Variants in POLH observed in about 807,000 individuals in gnomAD.
The protein encoded by POLH is DNA polymerase eta transcript.
In POLH, 53 loss-of-function variants were observed where a neutral mutation model predicts 73.6. The ratio of observed to expected loss-of-function variants is 0.72; its 90% CI spans 0.58 to 0.91. The LOEUF is 0.91. Among genes scored for constraint, POLH ranks in the 40% least tolerant of loss-of-function variants. The probability of loss-of-function intolerance (pLI) is 0.00; values close to 1 mark genes in which losing one functional copy is unlikely to be tolerated. For synonymous variants in POLH, 292 were observed against 308.5 expected (o/e 0.95, Z 0.56); for missense variants, 768 against 865.4 (o/e 0.89, Z 1.41).
At chr6:43,583,227 C>T in intron 3 of POLH, 86 bp downstream of exon 3, 2 of 1,265,612 alleles carry the variant, frequency 1.6e-6, no homozygotes, top group Non-Finnish European at 2.3e-6. Context: ...TGAATTTGTT[C>T]CATGTAAATA....
intron 4 of POLH, 122 bp from the exon 5 acceptor site, chr6:43,597,574 G>A (rs1766226459): frequency 2.2e-6 from 2 of 892,098 alleles, no homozygotes; most frequent in Admixed American, 2.2e-5. Context: ...TAAGCTGGCT[G>A]CCATTTTTTT....
intron 4 of POLH, among the ~76,000 whole-genome samples, chr6:43,590,572 T>C (rs759197042): frequency 6.6e-5 from 10 of 151,694 alleles, no homozygotes; most frequent in Admixed American, 6.6e-4. Context: ...TTTTTTTTAA[T>C]TGAATATTAT....
chr6:43,582,444 G>A lies in POLH; in HGVS notation c.125G>A (p.Trp42Ter). The part of the protein sequence containing the change: ...KPCAVVQYKS[W>*]KGGGIIAVSY... ...TGTGCAGTTGTACAGTACAAATCATGGAAGGGTGGTGGGTATGTATCATTG... is the reference window on the plus strand; with the variant it reads ...TGTGCAGTTGTACAGTACAAATCATAGAAGGGTGGTGGGTATGTATCATTG... Residue 42 changes from tryptophan to a stop codon, truncating the protein, a stop_gained, in exon 2 of 11, where the codon TGG becomes TAG. Transcript: ENST00000372236. LOFTEE classifies it high-confidence loss of function. 1 of 1,613,918 alleles carries A rather than the reference G, an allele frequency of 6.2e-7. No homozygotes were observed. The highest frequency in any genetic ancestry group is 8.5e-7 in the Non-Finnish European group (1 of 1,179,846).
chr6:43,581,974 A>G (rs1764330625), intron 1 of POLH, among the ~76,000 whole-genome samples: 1 of 152,188 alleles, frequency 6.6e-6, no homozygotes, highest in African/African-American at 2.4e-5. Context: ...GAAATTTGAA[A>G]TCTTCCAAAA....
chr6:43,614,264 A>C lies in POLH; in HGVS notation c.1849A>C (p.Thr617Pro), dbSNP rs760781282. The C allele has an allele frequency of 6.2e-7, 1 of 1,600,370 alleles. No homozygotes were observed. Among genetic ancestry groups the C allele is most frequent in the Admixed American group, 1.7e-5 (1 of 58,640 alleles). Residue 617 changes from threonine (T) to proline (P), a missense_variant, in exon 11 of 11, where the codon ACT becomes CCT. Coordinates refer to ENST00000372236, the MANE Select transcript of POLH (RefSeq NM_006502.3). ...AGCTTCCAAATCTGTGCTGGAGGTG[A>C]CTCAGAAAGCAACCCCAAATCCAAG... ...SSASKSVLEV[T>P]QKATPNPSLL...
Position 43,605,321 on chromosome 6 carries a change from T to A in POLH, c.1074+2T>A. On this transcript the variant is annotated splice_donor_variant, in intron 9 of 10. Transcript: ENST00000372236. LOFTEE classifies it high-confidence loss of function. ...AGACTGACTAAAGACCGAAATGATG[T>A]AAGATTTTCTTTCTTTATTCCTGGG... 1 of 1,545,838 alleles carries A rather than the reference T, an allele frequency of 6.5e-7. No homozygotes were observed. Among genetic ancestry groups the A allele is most frequent in the South Asian group, 1.1e-5 (1 of 89,116 alleles).
intron 1 of POLH, among the ~76,000 whole-genome samples, chr6:43,580,770 C>G (rs1285749081): frequency 7.9e-5 from 10 of 126,226 alleles, no homozygotes; most frequent in Non-Finnish European, 1.7e-4. Context: ...GGGGGCCGAC[C>G]CCCCCACCTC....
intron 6 of POLH, among the ~76,000 whole-genome samples, chr6:43,602,128 T>A (rs1428784368): frequency 6.6e-6 from 1 of 152,206 alleles, no homozygotes. Context: ...TAGACTTTTT[T>A]ATTTAAGTCT....
intron 5 of POLH, among the ~76,000 whole-genome samples, chr6:43,600,554 T>C (rs1199264619): frequency 1.3e-5 from 2 of 152,222 alleles, no homozygotes; most frequent in Admixed American, 6.5e-5. Context: ...TTGTGTTAAA[T>C]TGGGGACTCA....
At chr6:43,607,126 C>T (rs1767391175) in intron 9 of POLH, among the ~76,000 whole-genome samples, 2 of 152,228 alleles carry the variant, frequency 1.3e-5, no homozygotes, top group Admixed American at 6.5e-5. Context: ...GACGGAGTCT[C>T]GCTCTGTCAC....
chr6:43,578,883 C>T (rs957511677), intron 1 of POLH, among the ~76,000 whole-genome samples: 23 of 152,248 alleles, frequency 1.5e-4, no homozygotes, highest in Non-Finnish European at 2.4e-4. Flanking sequence ...ATTTCCATTT[C>T]CCCATGACTA....
At chr6:43,609,634 C>T (rs1767667026) in intron 9 of POLH, among the ~76,000 whole-genome samples, 1 of 152,142 alleles carries the variant, frequency 6.6e-6, no homozygotes, top group Admixed American at 6.5e-5. Context: ...GGTATCTTCT[C>T]TAGATAAGCT....
At position 43,618,536 on chromosome 6, in the gene POLH, A is replaced by G. The variant is rs535324918; in HGVS notation, c.*3979A>G. ...TCTGTTATGGGGAAACTTGAATTAC[A>G]CAGGGAACCCAACTGAAGAAAATGA... On this transcript the variant is annotated 3_prime_UTR_variant, in exon 11 of 11. Transcript: ENST00000372236. Among the ~76,000 whole-genome samples, 219 of 152,330 alleles carry G rather than the reference A, an allele frequency of 1.4e-3. 1 individual carries two copies. Among genetic ancestry groups the G allele is most frequent in the African/African-American group, 4.8e-3 (198 of 41,574 alleles).
At chr6:43,597,207 C>T (rs1766171923) in intron 4 of POLH, among the ~76,000 whole-genome samples, 1 of 152,140 alleles carries the variant, frequency 6.6e-6, no homozygotes, top group South Asian at 2.1e-4. Context: ...CCTCCGCCTC[C>T]TGGGTTCAAG....
In POLH at chr6:43,576,208, C is replaced by A. The variant is rs1338702778; in HGVS notation, c.-237C>A. ...TCAGTCTGGCGGCTGCATTGCTGGGCGCGCCGCTCTCGTCTGATCCCTGCT... is the reference window on the plus strand; with the variant it reads ...TCAGTCTGGCGGCTGCATTGCTGGGAGCGCCGCTCTCGTCTGATCCCTGCT... On this transcript the variant is annotated 5_prime_UTR_variant, in exon 1 of 11. Coordinates refer to ENST00000372236, the MANE Select transcript of POLH (RefSeq NM_006502.3). 2 of 213,640 alleles carry A rather than the reference C, an allele frequency of 9.4e-6. No individual in the cohort carries two copies. The highest frequency in any genetic ancestry group is 1.2e-4 in the East Asian group (1 of 8,078). 13.2% of individuals were successfully genotyped at this position (213,640 alleles called of 1,614,324 possible).
At chr6:43,601,235 T>G in intron 6 of POLH, 144 bp downstream of exon 6, 1 of 700,162 alleles carries the variant, frequency 1.4e-6, no homozygotes, top group East Asian at 2.7e-5. Flanking sequence ...ACAGAACATT[T>G]TGAAACACAC....
At chr6:43,597,155 G>A (rs1338089568) in intron 4 of POLH, among the ~76,000 whole-genome samples, 4 of 151,802 alleles carry the variant, frequency 2.6e-5, no homozygotes, top group Non-Finnish European at 2.9e-5. Context: ...TTGCTCTGTC[G>A]CCCAGGCTGG....
chr6:43,602,137 CTG>C (rs1166471727), intron 6 of POLH, among the ~76,000 whole-genome samples: 6 of 152,288 alleles, frequency 3.9e-5, no homozygotes, highest in African/African-American at 1.4e-4. Context: ...TTATTTAAGT[CTG>C]TTATTAAGTA....
chr6:43,578,319 G>A (rs1310731553), intron 1 of POLH: 23 of 342,656 alleles, frequency 6.7e-5, no homozygotes, highest in East Asian at 2.1e-4. Context: ...CCCGGGAGGC[G>A]TAGGTTGCAG....
Sources: gnomAD v4.1 joint callset for allele counts (sites outside exome capture counted in the v4.1 genomes callset) on GRCh38, gnomAD v4.1.1 for gene constraint, MANE v1.5 for transcripts, NCBI Gene and HGNC (gene_info 2026-07-23, HGNC 2026-07-21) for gene names.